The following BTBD7 variants were observed in gnomAD, a reference collection of about 807,000 sequenced individuals.
BTBD7 encodes BTB domain containing 7.
Under a neutral mutation model 99.9 loss-of-function variants are expected in BTBD7, and 38 were observed. The ratio of observed to expected loss-of-function variants is 0.38; its 90% CI spans 0.29 to 0.50. The LOEUF (loss-of-function observed/expected upper bound fraction) is 0.50. Ranked by LOEUF, BTBD7 falls within the 20% of genes least tolerant of loss-of-function variation. The pLI is 0.93. For synonymous variants in BTBD7, 520 were observed against 511.4 expected, an observed-to-expected ratio of 1.02 and a Z score of -0.23; for missense variants, 1,170 against 1,394.6, an observed-to-expected ratio of 0.84 and a Z score of 2.57.
At chr14:93,330,103 C>G (rs147054409) in intron 1 of BTBD7, among the ~76,000 whole-genome samples, 2 of 152,326 alleles carry the variant, frequency 1.3e-5, no homozygotes, top group East Asian at 3.9e-4. Flanking sequence ...CTCACTCTAA[C>G]TTAACCTGTA....
chr14:93,250,022 T>C (rs945224879), intron 8 of BTBD7, among the ~76,000 whole-genome samples: 2 of 152,094 alleles, frequency 1.3e-5, no homozygotes, highest in Admixed American at 6.6e-5. Context: ...TGAAAGGAGG[T>C]ATGAGCCCCA....
chr14:93,332,718 C>A, intron 1 of BTBD7, 102 bp downstream of exon 1: 2 of 1,337,448 alleles, frequency 1.5e-6, no homozygotes, highest in Middle Eastern at 4.0e-4. Context: ...CCAGCCCCGG[C>A]GCCCCCACGC....
At chr14:93,264,243 T>G (rs999159890) in intron 3 of BTBD7, among the ~76,000 whole-genome samples, 1 of 152,032 alleles carries the variant, frequency 6.6e-6, no homozygotes, top group African/African-American at 2.4e-5. Context: ...TTCAAGATAA[T>G]AAACATCTAT....
chr14:93,312,761 G>T (rs1291989681), intron 1 of BTBD7, among the ~76,000 whole-genome samples: 1 of 152,160 alleles, frequency 6.6e-6, no homozygotes, highest in African/African-American at 2.4e-5. Flanking sequence ...GGCAGTTGTG[G>T]TTCTTCTGCC....
intron 1 of BTBD7, among the ~76,000 whole-genome samples, chr14:93,308,304 AG>A (rs1383266234): frequency 6.9e-4 from 71 of 102,862 alleles, no homozygotes; most frequent in African/African-American, 2.0e-3. Context: ...AAAAAAAAAA[AG>A]AAAAGAAAAG....
intron 1 of BTBD7, among the ~76,000 whole-genome samples, chr14:93,300,206 C>T (rs1268868297): frequency 1.3e-5 from 2 of 150,260 alleles, no homozygotes; most frequent in East Asian, 2.0e-4. Context: ...TGAAGTTGTA[C>T]GGTTTATTAG....
rs750875826 is a variant in BTBD7 at position 93,293,880 on chromosome 14, C to T, written c.1140G>A (p.Leu380=). The change falls in exon 3 of 11, where the codon TTG becomes TTA. Residue 380 remains leucine (L), a synonymous_variant. Transcript: ENST00000334746. ...TACCTTGTGCAAGCATGTTAAATTC[C>T]AAGAACAGTGCTATGTGGTAAAGTT... ...AMELYHIALF[L]EFNMLAQGCE... The T allele has an allele frequency of 6.2e-7, 1 of 1,609,200 alleles. No homozygotes were observed. The highest frequency in any genetic ancestry group is 8.5e-7 in the Non-Finnish European group (1 of 1,178,470).
rs540170769 is a variant in BTBD7 at position 93,280,417 on chromosome 14, T to C, written c.1162+13441A>G. Among the ~76,000 whole-genome samples the C allele has an allele frequency of 2.5e-3, 385 of 152,172 alleles. 3 individuals carry two copies. The highest frequency in any genetic ancestry group is 8.9e-3 in the African/African-American group (368 of 41,554). ...CCAAACAAACCACTTCAGAAAAGGCTATTATGGTTGAAGATGAATATCGCT... is the reference window on the plus strand; with the variant it reads ...CCAAACAAACCACTTCAGAAAAGGCCATTATGGTTGAAGATGAATATCGCT... On this transcript the variant is annotated intron_variant, in intron 3 of 10. Coordinates refer to ENST00000334746, the MANE Select transcript of BTBD7 (RefSeq NM_001002860.4).
intron 8 of BTBD7, among the ~76,000 whole-genome samples, chr14:93,250,116 T>C (rs1445320389): frequency 6.6e-6 from 1 of 152,206 alleles, no homozygotes; most frequent in African/African-American, 2.4e-5. Flanking sequence ...AGCCAAGATA[T>C]GAGCCCCCTA....
chr14:93,326,854 A>C (rs1260401339), intron 1 of BTBD7, among the ~76,000 whole-genome samples: 2 of 152,100 alleles, frequency 1.3e-5, no homozygotes, highest in Non-Finnish European at 1.5e-5. Flanking sequence ...TAATAATGAT[A>C]CTATACCTGT....
chr14:93,238,692 C>T lies in BTBD7; in HGVS notation c.*3581G>A, dbSNP rs1030457877. 3.3e-5 allele frequency: 5 copies of T among 152,184 alleles called. No homozygotes were observed. Among genetic ancestry groups the T allele is most frequent in the East Asian group, 1.9e-4 (1 of 5,184 alleles). The allele number at this position is 152,184 out of a possible 1,614,324, so 9.4% of individuals were successfully genotyped here. ...AACATTATGAAAATATATATTTTGC[C>T]GGGTAGTTACTGAGAAATGTCAATC... On this transcript the variant is annotated 3_prime_UTR_variant, in exon 11 of 11. Transcript: ENST00000334746.
intron 1 of BTBD7, among the ~76,000 whole-genome samples, chr14:93,325,532 T>C (rs1217526085): frequency 6.6e-6 from 1 of 152,152 alleles, no homozygotes; most frequent in Non-Finnish European, 1.5e-5. Context: ...GGCTGTTTAA[T>C]ACGTAGTCCA....
rs1400680412 is a variant in BTBD7 at position 93,241,007 on chromosome 14, G to T, written c.*1266C>A. 1.3e-5 allele frequency: 2 copies of T among 152,186 alleles called. No homozygotes were observed. The highest frequency in any genetic ancestry group is 4.8e-5 in the African/African-American group (2 of 41,424). 9.4% of individuals were successfully genotyped at this position (152,186 alleles called of 1,614,324 possible). A position where few individuals can be genotyped will look rare whatever the true frequency, so the allele number is the denominator to read the frequency against. ...ACCAAATAACATCCATGAGACTGAA[G>T]CCCTTTTGTTTTTTTCCCATAGAGA... is the stretch of plus-strand genomic sequence containing the variant. On this transcript the variant is annotated 3_prime_UTR_variant, in exon 11 of 11. Coordinates refer to ENST00000334746, the MANE Select transcript of BTBD7 (RefSeq NM_001002860.4).
chr14:93,300,876 A>G (rs945953048), intron 1 of BTBD7, among the ~76,000 whole-genome samples: 2 of 151,414 alleles, frequency 1.3e-5, no homozygotes, highest in Non-Finnish European at 2.9e-5. Flanking sequence ...TTGGCTTCCC[A>G]AAGTGCTGGG....
At chr14:93,315,450 G>C (rs2053189278) in intron 1 of BTBD7, among the ~76,000 whole-genome samples, 1 of 152,164 alleles carries the variant, frequency 6.6e-6, no homozygotes, top group African/African-American at 2.4e-5. Context: ...TGAATTTCTT[G>C]AGAACGTTGT....
At chr14:93,286,413 T>G (rs2052777339) in intron 3 of BTBD7, among the ~76,000 whole-genome samples, 1 of 152,190 alleles carries the variant, frequency 6.6e-6, no homozygotes, top group Non-Finnish European at 1.5e-5. Context: ...AAGCAAAGTT[T>G]GAGTGAGCTA....
At chr14:93,310,651 C>T (rs1241258316) in intron 1 of BTBD7, among the ~76,000 whole-genome samples, 2 of 151,372 alleles carry the variant, frequency 1.3e-5, no homozygotes, top group South Asian at 2.1e-4. Context: ...GGCTGAGGCA[C>T]AAGAATTGCT....
At chr14:93,279,580 C>T (rs182030474) in intron 3 of BTBD7, among the ~76,000 whole-genome samples, 81 of 152,246 alleles carry the variant, frequency 5.3e-4, no homozygotes, top group Admixed American at 3.2e-3. Context: ...CAGAGTCTCG[C>T]TCTGTTGCCC....
At chr14:93,262,575 A>G (rs1333799302) in intron 4 of BTBD7, among the ~76,000 whole-genome samples, 1 of 152,160 alleles carries the variant, frequency 6.6e-6, no homozygotes, top group Non-Finnish European at 1.5e-5. Flanking sequence ...TAAGTAAATG[A>G]AAGTGTAAGT....
Sources: allele counts gnomAD v4.1 joint callset (sites outside exome capture counted in the v4.1 genomes callset), GRCh38; gene constraint gnomAD v4.1.1; transcripts MANE v1.5; gene names NCBI Gene and HGNC (gene_info 2026-07-23, HGNC 2026-07-21).